The following STRBP variants were observed in gnomAD, a reference collection of about 807,000 sequenced individuals.
STRBP encodes spermatid perinuclear RNA binding protein.
STRBP carries 13 observed loss-of-function variants against 80.1 expected under a neutral mutation model. That is an observed-to-expected ratio of 0.16 (90% CI 0.11 to 0.26). The LOEUF (loss-of-function observed/expected upper bound fraction) is 0.26, where lower values mean the gene tolerates loss of function less well. STRBP is among the 10% of genes least tolerant of loss of function. The probability of loss-of-function intolerance (pLI) is 1.00; values close to 1 mark genes in which losing one functional copy is unlikely to be tolerated. For missense variants in STRBP, 485 were observed against 815.2 expected, an observed-to-expected ratio of 0.59 and a Z score of 4.93; for synonymous variants, 284 against 291.2, an observed-to-expected ratio of 0.98 and a Z score of 0.25.
chr9:123,143,716 C>T (rs1389217010), intron 13 of STRBP, among the ~76,000 whole-genome samples: 2 of 152,006 alleles, frequency 1.3e-5, no homozygotes, highest in Admixed American at 1.3e-4. Context: ...TAGAATATAT[C>T]TTAAGGGATC....
At chr9:123,190,437 A>G (rs941785724) in intron 2 of STRBP, among the ~76,000 whole-genome samples, 2 of 150,410 alleles carry the variant, frequency 1.3e-5, no homozygotes, top group African/African-American at 4.9e-5. Flanking sequence ...CTGAATTTCA[A>G]TATTTTCTTC....
At chr9:123,222,248 T>C (rs3860155) in intron 2 of STRBP, among the ~76,000 whole-genome samples, 12,541 of 151,886 alleles carry the variant, frequency 0.083, 1,646 homozygotes, top group East Asian at 0.61. Flanking sequence ...TGGCCTGTGG[T>C]AGCCTTTACA....
intron 3 of STRBP, chr9:123,180,814 T>G (rs1564272784): frequency 1.4e-5 from 8 of 572,094 alleles, no homozygotes; most frequent in Non-Finnish European, 1.5e-5. Flanking sequence ...TAGTGAGTTT[T>G]CCATAAAGCC....
At chr9:123,249,521 G>A (rs2040867886) in intron 1 of STRBP, among the ~76,000 whole-genome samples, 1 of 151,996 alleles carries the variant, frequency 6.6e-6, no homozygotes, top group Non-Finnish European at 1.5e-5. Flanking sequence ...CATGCCTGCA[G>A]TCCCAGACAC....
chr9:123,170,175 G>A, intron 5 of STRBP, 129 bp from the exon 6 acceptor site: 3 of 806,704 alleles, frequency 3.7e-6, no homozygotes, highest in Non-Finnish European at 5.4e-6. Context: ...GGCAAAGAAA[G>A]CCTGTAACTA....
chr9:123,147,722 T>C (rs2036880018), intron 12 of STRBP, 56 bp downstream of exon 12: 2 of 1,224,918 alleles, frequency 1.6e-6, no homozygotes, highest in Admixed American at 2.6e-5. Flanking sequence ...AATTTTTCTA[T>C]CTGAAGCTAC....
At chr9:123,170,093 A>C (rs1564261199) in intron 5 of STRBP, 47 bp from the exon 6 acceptor site, 1 of 1,544,326 alleles carries the variant, frequency 6.5e-7, no homozygotes, top group Non-Finnish European at 8.7e-7. Context: ...TTAGACTGAA[A>C]CCTCAAAAGA....
At chr9:123,206,963 A>G (rs753881347) in intron 2 of STRBP, among the ~76,000 whole-genome samples, 1 of 152,118 alleles carries the variant, frequency 6.6e-6, no homozygotes, top group Non-Finnish European at 1.5e-5. Flanking sequence ...ATATGAACAA[A>G]TTTATCAAGA....
chr9:123,264,161 G>C (rs2041220135), intron 1 of STRBP, among the ~76,000 whole-genome samples: 1 of 152,202 alleles, frequency 6.6e-6, no homozygotes, highest in Non-Finnish European at 1.5e-5. Flanking sequence ...CCTGGCGACA[G>C]AGCGCCACTG....
chr9:123,195,276 T>C (rs151287979), intron 2 of STRBP, among the ~76,000 whole-genome samples: 1 of 152,288 alleles, frequency 6.6e-6, no homozygotes, highest in Non-Finnish European at 1.5e-5. Flanking sequence ...ATCTCACATC[T>C]GATCCATCAT....
At chr9:123,199,092 G>C (rs559949508) in intron 2 of STRBP, among the ~76,000 whole-genome samples, 2 of 152,120 alleles carry the variant, frequency 1.3e-5, no homozygotes, top group African/African-American at 4.8e-5. Flanking sequence ...CTACAGGCAC[G>C]TGCCACCACA....
chr9:123,169,419 C>T (rs1390205989), intron 6 of STRBP, among the ~76,000 whole-genome samples: 1 of 152,086 alleles, frequency 6.6e-6, no homozygotes, highest in East Asian at 1.9e-4. Flanking sequence ...AATCCACACA[C>T]CTCGGCCTCC....
Position 123,124,305 on chromosome 9 carries a change from A to T in STRBP, c.*1292T>A. 1 of 985,454 alleles carries T rather than the reference A, an allele frequency of 1.0e-6. No individual in the cohort carries two copies. The highest frequency in any genetic ancestry group is 4.7e-5 in the South Asian group (1 of 21,288). The allele number at this position is 985,454 out of a possible 1,614,324, so 61.0% of individuals were successfully genotyped here. The stretch of plus-strand genomic sequence containing the variant: ...CAGGGGACCACACTGCTGCTCCTTC[A>T]TGGGGGTGAGTACCTTAATGAAACC... On this transcript the variant is annotated 3_prime_UTR_variant, in exon 19 of 19. Coordinates refer to ENST00000348403, the MANE Select transcript of STRBP (RefSeq NM_018387.5).
chr9:123,115,452 C>A lies in STRBP; in HGVS notation c.*84+477G>T. 2.2e-6 allele frequency: 1 copy of A among 463,538 alleles called. No homozygotes were observed. 28.7% of individuals were successfully genotyped at this position (463,538 alleles called of 1,614,324 possible). A position where few individuals can be genotyped will look rare whatever the true frequency, so the allele number is the denominator to read the frequency against. ...CTTTCTCCCTGCACAGAGGAGGACT[C>A]TCATTCTGTTCAAATCCTCTGCACC... On this transcript the variant is annotated intron_variant and NMD_transcript_variant, in intron 3 of 3. Coordinates refer to the STRBP transcript ENST00000471564. The surrounding 1 kb of genome is among the most constrained non-coding windows in gnomAD (Gnocchi z 5.0).
At position 123,126,270 on chromosome 9, in the gene STRBP, T is replaced by C. The variant is rs2035890597; in HGVS notation, c.1943-597A>G. Reference sequence around the variant, plus strand: ...TCTTCCTATGCTAATATTTAACCTATGGAGAAATCACAAAGCAGCAACAGC... The same window carrying C: ...TCTTCCTATGCTAATATTTAACCTACGGAGAAATCACAAAGCAGCAACAGC... On this transcript the variant is annotated intron_variant, in intron 18 of 18. Transcript: ENST00000348403. The surrounding 1 kb of genome is among the most constrained non-coding windows in gnomAD (Gnocchi z 4.4). Among the ~76,000 whole-genome samples the C allele has an allele frequency of 1.3e-5, 2 of 152,150 alleles. No individual in the cohort carries two copies. The highest frequency in any genetic ancestry group is 2.9e-5 in the Non-Finnish European group (2 of 68,032).
chr9:123,157,216 A>G (rs909638021), intron 11 of STRBP, among the ~76,000 whole-genome samples: 7 of 152,154 alleles, frequency 4.6e-5, no homozygotes, highest in African/African-American at 1.7e-4. Context: ...GAATTTTCCA[A>G]TATGCTTTTC....
intron 2 of STRBP, among the ~76,000 whole-genome samples, chr9:123,206,007 T>C (rs954068553): frequency 3.9e-5 from 6 of 152,190 alleles, no homozygotes; most frequent in African/African-American, 9.7e-5. Context: ...TCCAATGTAA[T>C]TGGTATAAAA....
chr9:123,198,587 C>G (rs144727301), intron 2 of STRBP, among the ~76,000 whole-genome samples: 400 of 151,860 alleles, frequency 2.6e-3, no homozygotes, highest in African/African-American at 8.5e-3. Flanking sequence ...TTTGCAGAAG[C>G]TTTTTAGTTT....
At chr9:123,225,032 A>G (rs1275885769) in intron 2 of STRBP, among the ~76,000 whole-genome samples, 2 of 152,248 alleles carry the variant, frequency 1.3e-5, no homozygotes, top group South Asian at 2.1e-4. Context: ...ACAAAAAATG[A>G]AGTCCACAAA....
Sources: gnomAD v4.1 joint callset for allele counts (sites outside exome capture counted in the v4.1 genomes callset) on GRCh38, gnomAD v4.1.1 for gene constraint, Gnocchi (gnomAD v3.1) non-coding constraint, MANE v1.5 for transcripts, NCBI Gene and HGNC (gene_info 2026-07-23, HGNC 2026-07-21) for gene names.